Variants in SLC19A2 observed in about 807,000 individuals in gnomAD.
The protein encoded by SLC19A2 is thiamine transporter 1.
A neutral mutation model predicts 44.7 loss-of-function variants in SLC19A2; 27 were observed. That is an observed-to-expected ratio of 0.60 (90% CI 0.45 to 0.83). The LOEUF (loss-of-function observed/expected upper bound fraction) is 0.83. Among genes scored for constraint, SLC19A2 ranks in the 40% least tolerant of loss-of-function variants. The pLI is 0.00. For synonymous variants in SLC19A2, 239 were observed against 243.6 expected (o/e 0.98, Z 0.18); for missense variants, 566 against 613.7 (o/e 0.92, Z 0.82).
intron 1 of SLC19A2, among the ~76,000 whole-genome samples, chr1:169,482,150 G>A (rs1322753379): frequency 2.0e-5 from 3 of 151,808 alleles, no homozygotes; most frequent in African/African-American, 7.3e-5. Context: ...GCAGTGAGCC[G>A]AGATCACGCC....
upstream of SLC19A2, chr1:169,485,953 T>C (rs2101787909): frequency 4.4e-6 from 3 of 683,798 alleles, no homozygotes; most frequent in Non-Finnish European, 4.8e-6. Flanking sequence ...CTAGGGTCGC[T>C]GCCTGATCGC....
At chr1:169,471,509 A>ACACAC in intron 2 of SLC19A2, among the ~76,000 whole-genome samples, 1 of 105,874 alleles carries the variant, frequency 9.4e-6, no homozygotes, top group African/African-American at 3.5e-5. Flanking sequence ...ACACACACAC[A>ACACAC]ATTTAATTAG....
chr1:169,477,649 C>G lies in SLC19A2; in HGVS notation c.313G>C (p.Gly105Arg), dbSNP rs987955884. ...LRYKPVVLLQ[G>R]LSLIVTWFML... The stretch of plus-strand genomic sequence containing the variant: ...AACCATGTAACAATAAGGCTGAGCC[C>G]CTGCAGTAGAACAACAGGTTTATAA... Residue 105 changes from glycine to arginine, a missense_variant, in exon 2 of 6, where the codon GGG becomes CGG. By Grantham distance (125) the Gly-to-Arg change is moderately radical. Coordinates refer to ENST00000236137, the MANE Select transcript of SLC19A2 (RefSeq NM_006996.3). 1 of 1,613,922 alleles carries G rather than the reference C, an allele frequency of 6.2e-7. No homozygotes were observed. The highest frequency in any genetic ancestry group is 8.5e-7 in the Non-Finnish European group (1 of 1,179,952).
At position 169,465,519 on chromosome 1, in the gene SLC19A2, A is replaced by C. The variant is rs1657965607; in HGVS notation, c.*330T>G. On this transcript the variant is annotated 3_prime_UTR_variant, in exon 6 of 6. Coordinates refer to ENST00000236137, the MANE Select transcript of SLC19A2 (RefSeq NM_006996.3). Reference sequence around the variant, plus strand: ...TAGATACAGACATATGTGACCTATAAAACACCAAACTCACTTGCTAATGAA... The same window carrying C: ...TAGATACAGACATATGTGACCTATACAACACCAAACTCACTTGCTAATGAA... 1 of 337,328 alleles carries C rather than the reference A, an allele frequency of 3.0e-6. No homozygotes were observed. The highest frequency in any genetic ancestry group is 4.3e-5 in the Admixed American group (1 of 23,132). The allele number at this position is 337,328 out of a possible 1,614,324, so 20.9% of individuals were successfully genotyped here. A position where few individuals can be genotyped will look rare whatever the true frequency, so the allele number is the denominator to read the frequency against.
rs1658448082 is a variant in SLC19A2, at chr1:169,481,685, A to G, written c.204+3878T>C. Among the ~76,000 whole-genome samples, 3 of 152,222 alleles carry G rather than the reference A, an allele frequency of 2.0e-5. No individual in the cohort carries two copies. The South Asian group carries it at 6.2e-4, about 31-fold the overall frequency. On this transcript the variant is annotated intron_variant, in intron 1 of 5. Coordinates refer to ENST00000236137, the MANE Select transcript of SLC19A2 (RefSeq NM_006996.3). ...CTTCTCACTTCACGTAACATCTGCT[A>G]TGTGAGCAACGGGAATTGATTTTAT...
At chr1:169,466,877 T>A (rs758626808) in intron 5 of SLC19A2, among the ~76,000 whole-genome samples, 4 of 152,194 alleles carry the variant, frequency 2.6e-5, no homozygotes, top group Non-Finnish European at 4.4e-5. Context: ...ATCATCATCA[T>A]CATCTTCTTA....
chr1:169,476,131 A>C (rs1305276665), intron 2 of SLC19A2, among the ~76,000 whole-genome samples: 2 of 150,616 alleles, frequency 1.3e-5, no homozygotes, highest in Non-Finnish European at 3.0e-5. Context: ...AACAAAAAAA[A>C]CACTTGAATA....
At chr1:169,476,897 T>C (rs950187458) in intron 2 of SLC19A2, among the ~76,000 whole-genome samples, 1 of 152,168 alleles carries the variant, frequency 6.6e-6, no homozygotes, top group African/African-American at 2.4e-5. Flanking sequence ...AAGGCATCTC[T>C]GACATGAACA....
At chr1:169,469,712 G>A (rs1472007877) in intron 3 of SLC19A2, among the ~76,000 whole-genome samples, 1 of 152,102 alleles carries the variant, frequency 6.6e-6, no homozygotes, top group Admixed American at 6.6e-5. Context: ...TGGAAACTTG[G>A]ATAAACAATC....
Position 169,468,763 on chromosome 1 carries a change from G to T in SLC19A2, c.1104C>A (p.Leu368=). Residue 368 remains leucine (L), a synonymous_variant, in exon 4 of 6, where the codon CTC becomes CTA. Transcript: ENST00000236137. ...WSTWGEMTLS[L]FSLLIAAAVY... Reference sequence around the variant, plus strand: ...CTGCAGCAGCAATCAGGAGAGAAAAGAGAGATAATGTCATTTCTCCCCAAG... The same window carrying T: ...CTGCAGCAGCAATCAGGAGAGAAAATAGAGATAATGTCATTTCTCCCCAAG... 6.2e-7 allele frequency: 1 copy of T among 1,613,862 alleles called. No individual in the cohort carries two copies. Among genetic ancestry groups the T allele is most frequent in the Non-Finnish European group, 8.5e-7 (1 of 1,179,870 alleles).
chr1:169,470,255 C>G, intron 2 of SLC19A2, 69 bp from the exon 3 acceptor site: 1 of 1,291,626 alleles, frequency 7.7e-7, no homozygotes. Context: ...ATTTACAGGC[C>G]CAATTACTTA....
chr1:169,469,224 A>G, intron 3 of SLC19A2: 1 of 228,232 alleles, frequency 4.4e-6, no homozygotes. Flanking sequence ...ACATGGCAAA[A>G]GGGCTTCTCT....
intron 2 of SLC19A2, 64 bp downstream of exon 2, chr1:169,477,091 G>A: frequency 6.3e-7 from 1 of 1,597,470 alleles, no homozygotes; most frequent in Non-Finnish European, 8.6e-7. Flanking sequence ...GGAGTTTGCT[G>A]TTTTTTTCAC....
intron 1 of SLC19A2, among the ~76,000 whole-genome samples, chr1:169,481,407 C>T (rs977311151): frequency 6.6e-6 from 1 of 152,238 alleles, no homozygotes; most frequent in Non-Finnish European, 1.5e-5. Flanking sequence ...CATCTACTAT[C>T]TTCCAGGTTA....
intron 2 of SLC19A2, among the ~76,000 whole-genome samples, chr1:169,473,509 G>T (rs1658243094): frequency 6.6e-6 from 1 of 151,526 alleles, no homozygotes; most frequent in Non-Finnish European, 1.5e-5. Context: ...CCCACCCAAA[G>T]TGCTGGGATT....
chr1:169,480,875 C>T (rs981603421), intron 1 of SLC19A2, among the ~76,000 whole-genome samples: 5 of 152,124 alleles, frequency 3.3e-5, no homozygotes, highest in African/African-American at 1.2e-4. Context: ...TAAGTTTCAT[C>T]CTTTAAATTA....
intron 1 of SLC19A2, among the ~76,000 whole-genome samples, chr1:169,484,900 A>G (rs1408765986): frequency 6.6e-6 from 1 of 152,242 alleles, no homozygotes; most frequent in African/African-American, 2.4e-5. Flanking sequence ...AATACAAGAA[A>G]CACTATAATT....
intron 1 of SLC19A2, among the ~76,000 whole-genome samples, chr1:169,479,939 GC>G (rs1026638603): frequency 8.5e-5 from 13 of 152,176 alleles, no homozygotes; most frequent in African/African-American, 3.1e-4. Flanking sequence ...CCAGTGCAGA[GC>G]ATAGCTATAA....
chr1:169,485,224 T>C (rs1032125974), intron 1 of SLC19A2, among the ~76,000 whole-genome samples: 1 of 152,232 alleles, frequency 6.6e-6, no homozygotes, highest in Non-Finnish European at 1.5e-5. Context: ...TTCACTTCTT[T>C]GTCAAAATAT....
Sources: gnomAD v4.1 joint callset for allele counts (sites outside exome capture counted in the v4.1 genomes callset) on GRCh38, gnomAD v4.1.1 for gene constraint, MANE v1.5 for transcripts, NCBI Gene and HGNC (gene_info 2026-07-23, HGNC 2026-07-21) for gene names.